The following NF1 variants were observed in gnomAD, a reference collection of about 807,000 sequenced individuals.
NF1 encodes neurofibromin 1.
In NF1, 122 loss-of-function variants were observed where a neutral mutation model predicts 325.7. That is an observed-to-expected ratio of 0.37 (90% CI 0.32 to 0.44). NF1 has a LOEUF of 0.44. NF1 is among the 20% of genes least tolerant of loss of function. The pLI is 1.00. For missense variants in NF1, 2,140 were observed against 3,415.4 expected (o/e 0.63, Z 9.31); for synonymous variants, 1,091 against 1,186.0 (o/e 0.92, Z 1.65).
rs542208251 is a variant in NF1, at chr17:31,376,913, A to G, written c.*2758A>G. 1.7e-5 allele frequency: 4 copies of G among 233,238 alleles called. No homozygotes were observed. Among genetic ancestry groups the G allele is most frequent in the African/African-American group, 6.6e-5 (3 of 45,452 alleles). 14.4% of individuals were successfully genotyped at this position (233,238 alleles called of 1,614,324 possible). A position where few individuals can be genotyped will look rare whatever the true frequency, so the allele number is the denominator to read the frequency against. On this transcript the variant is annotated 3_prime_UTR_variant, in exon 58 of 58. Transcript: ENST00000358273. ...TACAGCTCTGTCTTCCATTCACTCA[A>G]CACCTGTTCATGACTGAGCCAGGTG...
chr17:31,350,242 C>G lies in NF1; in HGVS notation c.7381C>G (p.Leu2461Val), dbSNP rs1199046022. ...SRCSLKHRKS[L>V]LLTDISMENV... ...CTGCAGCCTAAAACATAGAAAGTCACTTCTTCTTACTGATATTTCAATGGA... is the reference window on the plus strand; with the variant it reads ...CTGCAGCCTAAAACATAGAAAGTCAGTTCTTCTTACTGATATTTCAATGGA... Residue 2461 changes from leucine to valine, a missense_variant, in exon 50 of 58, where the codon CTT becomes GTT. By Grantham distance (32) the Leu-to-Val change is conservative. Coordinates refer to ENST00000358273, the MANE Select transcript of NF1 (RefSeq NM_001042492.3). 6.2e-7 allele frequency: 1 copy of G among 1,613,706 alleles called. No homozygotes were observed. The highest frequency in any genetic ancestry group is 8.5e-7 in the Non-Finnish European group (1 of 1,179,676).
Position 31,308,557 on chromosome 17 carries a change from T to TG in NF1, c.4836-17262dup, listed in dbSNP as rs111295833. Among the ~76,000 whole-genome samples the TG allele has an allele frequency of 3.9e-3, 594 of 152,330 alleles. 6 individuals carry two copies. The highest frequency in any genetic ancestry group is 0.014 in the African/African-American group (565 of 41,568). On this transcript the variant is annotated intron_variant, in intron 36 of 57. Transcript: ENST00000358273. ...AGCCAAATGCATCCCTTTCCCACCT[T>TG]GCATACTTTCTAAACACACGATTTT...
chr17:31,129,103 C>T (rs1280773995), intron 1 of NF1, among the ~76,000 whole-genome samples: 1 of 151,952 alleles, frequency 6.6e-6, no homozygotes, highest in East Asian at 1.9e-4. Flanking sequence ...TCTGATGATT[C>T]TGTTTTTTGG....
At chr17:31,181,060 A>G (rs1277881125) in intron 5 of NF1, among the ~76,000 whole-genome samples, 2 of 152,260 alleles carry the variant, frequency 1.3e-5, no homozygotes, top group Admixed American at 6.5e-5. Flanking sequence ...GACCTCTTCA[A>G]GGAGAACTAC....
chr17:31,206,524 T>C (rs1024446890), intron 12 of NF1, among the ~76,000 whole-genome samples, 153 bp downstream of exon 12: 1 of 152,190 alleles, frequency 6.6e-6, no homozygotes, highest in Non-Finnish European at 1.5e-5. Context: ...TAGAATATTG[T>C]TGAATACTAG....
intron 1 of NF1, among the ~76,000 whole-genome samples, chr17:31,135,367 TGATA>T (rs1199304465): frequency 3.3e-5 from 5 of 152,198 alleles, no homozygotes; most frequent in African/African-American, 9.7e-5. Context: ...TCTATTTGCC[TGATA>T]GATCTTTTTC....
At chr17:31,290,341 G>T (rs1159119148) in intron 36 of NF1, among the ~76,000 whole-genome samples, 1 of 152,120 alleles carries the variant, frequency 6.6e-6, no homozygotes, top group Non-Finnish European at 1.5e-5. Flanking sequence ...CACATGAAGT[G>T]AGTGTTAAAC....
chr17:31,184,666 A>AAAAAAAAAAAAAAAAAT lies in NF1; in HGVS notation c.888+2007_888+2008insAAAAAAAAAATAAAAAA, dbSNP rs1567828025. On this transcript the variant is annotated intron_variant, in intron 8 of 57. Coordinates refer to ENST00000358273, the MANE Select transcript of NF1 (RefSeq NM_001042492.3). ...CCGTCTCAAAAAAAAAAAATAAAAA[A>AAAAAAAAAAAAAAAAAT]AAAAAATAAAAAAATAAAATAGAAA... is the stretch of plus-strand genomic sequence containing the variant. 1.4e-5 allele frequency among the ~76,000 whole-genome samples: 2 copies of AAAAAAAAAAAAAAAAAT among 140,564 alleles called. 1 individual carries two copies. The highest frequency in any genetic ancestry group is 3.2e-5 in the Non-Finnish European group (2 of 63,312). 92.2% of individuals were successfully genotyped at this position (140,564 alleles called of 152,430 possible). A position where few individuals can be genotyped will look rare whatever the true frequency, so the allele number is the denominator to read the frequency against.
At chr17:31,353,369 C>T (rs892317177) in intron 51 of NF1, among the ~76,000 whole-genome samples, 1 of 152,204 alleles carries the variant, frequency 6.6e-6, no homozygotes. Context: ...CAGTGGCTCA[C>T]GCCCATAATC....
chr17:31,296,847 G>T, intron 36 of NF1: 1 of 159,060 alleles, frequency 6.3e-6, no homozygotes, highest in Non-Finnish European at 1.4e-5. Context: ...TTATCTGTAT[G>T]TTTTTAGGAT....
chr17:31,183,808 T>A (rs2143793457), intron 8 of NF1, among the ~76,000 whole-genome samples: 1 of 152,260 alleles, frequency 6.6e-6, no homozygotes, highest in East Asian at 1.9e-4. Flanking sequence ...GGGCCTAGCC[T>A]CCCAGCCTAC....
intron 31 of NF1, among the ~76,000 whole-genome samples, chr17:31,258,020 T>C (rs1201765282): frequency 6.6e-6 from 1 of 152,162 alleles, no homozygotes; most frequent in East Asian, 1.9e-4. Flanking sequence ...GTGAAAAATT[T>C]GGTCTGCTTT....
At chr17:31,367,273 A>G in intron 57 of NF1, 1 of 1,310,756 alleles carries the variant, frequency 7.6e-7, no homozygotes, top group Non-Finnish European at 1.0e-6. Context: ...CTGTTCCCTC[A>G]TCAAGGTACT....
intron 8 of NF1, among the ~76,000 whole-genome samples, chr17:31,195,541 T>C (rs2066420807): frequency 1.3e-5 from 2 of 152,138 alleles, no homozygotes; most frequent in Non-Finnish European, 2.9e-5. Context: ...CGTTCTTCCC[T>C]ACCCTCAACT....
At chr17:31,250,230 GT>G (rs1184221762) in intron 30 of NF1, 1 of 307,836 alleles carries the variant, frequency 3.2e-6, no homozygotes, top group Non-Finnish European at 6.3e-6. Context: ...ATCCTGTATA[GT>G]TTTTTCAACT....
chr17:31,330,238 T>G, intron 38 of NF1, 58 bp from the exon 39 acceptor site: 1 of 1,466,696 alleles, frequency 6.8e-7, no homozygotes, highest in Non-Finnish European at 9.5e-7. Context: ...TATGAAAAAA[T>G]TTTGGAACTA....
Position 31,326,363 on chromosome 17 carries a change from G to A in NF1, c.5268+111G>A, listed in dbSNP as rs749258683. 4.9e-5 allele frequency: 54 copies of A among 1,111,816 alleles called. 1 individual carries two copies. The highest frequency in any genetic ancestry group is 2.7e-4 in the South Asian group (20 of 73,638). The allele number at this position is 1,111,816 out of a possible 1,614,324, so 68.9% of individuals were successfully genotyped here. A position where few individuals can be genotyped will look rare whatever the true frequency, so the allele number is the denominator to read the frequency against. ...CCTATAGTGGTGTATAAAATGTCAC[G>A]TAAGGCTGTCGCGGTGGCTCACGCC... On this transcript the variant is annotated intron_variant, in intron 37 of 57. Coordinates refer to ENST00000358273, the MANE Select transcript of NF1 (RefSeq NM_001042492.3).
intron 8 of NF1, among the ~76,000 whole-genome samples, chr17:31,188,258 A>G (rs2066277050): frequency 6.6e-6 from 1 of 152,246 alleles, no homozygotes; most frequent in Non-Finnish European, 1.5e-5. Context: ...GACCAGCTGC[A>G]GAAACAACTG....
At chr17:31,269,053 G>A (rs772604488) in intron 36 of NF1, among the ~76,000 whole-genome samples, 2 of 151,454 alleles carry the variant, frequency 1.3e-5, no homozygotes, top group Admixed American at 6.6e-5. Flanking sequence ...TTACTATTAC[G>A]TACCTTGGCA....
Sources: allele counts gnomAD v4.1 joint callset (sites outside exome capture counted in the v4.1 genomes callset), GRCh38; gene constraint gnomAD v4.1.1; transcripts MANE v1.5; gene names NCBI Gene and HGNC (gene_info 2026-07-23, HGNC 2026-07-21).